The following TENM3 variants were observed in gnomAD, a reference collection of about 807,000 sequenced individuals.
TENM3 encodes the protein teneurin transmembrane protein 3.
TENM3 carries 63 observed loss-of-function variants against 255.1 expected under a neutral mutation model. The observed-to-expected ratio is 0.25, with a 90% CI of 0.20 to 0.30. The LOEUF is 0.30. TENM3 is among the 10% of genes least tolerant of loss of function. TENM3 has a pLI of 1.00. For missense variants in TENM3, 2,929 were observed against 3,461.1 expected (o/e 0.85, Z 3.86); for synonymous variants, 1,306 against 1,322.3 (o/e 0.99, Z 0.27).
chr4:182,362,155 T>G (rs1276622517), intron 3 of TENM3, among the ~76,000 whole-genome samples: 1 of 152,108 alleles, frequency 6.6e-6, no homozygotes, highest in African/African-American at 2.4e-5. Flanking sequence ...GTTAGGCTGC[T>G]CGGGGGTCAG....
the TENM3 span, among the ~76,000 whole-genome samples, chr4:181,939,912 T>G: frequency 1.3e-5 from 2 of 152,242 alleles, no homozygotes; most frequent in Admixed American, 6.5e-5. Flanking sequence ...TAAATATTCA[T>G]TTCTTTTGCC....
chr4:181,585,218 C>T, the TENM3 span, among the ~76,000 whole-genome samples: 17 of 152,018 alleles, frequency 1.1e-4, no homozygotes, highest in African/African-American at 3.9e-4. Flanking sequence ...CACAGATGGA[C>T]CGATTTTTTA....
chr4:181,991,878 T>C, the TENM3 span, among the ~76,000 whole-genome samples: 112 of 152,124 alleles, frequency 7.4e-4, no homozygotes, highest in Admixed American at 1.3e-3. Flanking sequence ...GGAAATTAAC[T>C]TTTGTAGACT....
chr4:182,647,207 T>C (rs1752833429), intron 5 of TENM3, among the ~76,000 whole-genome samples: 1 of 152,220 alleles, frequency 6.6e-6, no homozygotes, highest in South Asian at 2.1e-4. Flanking sequence ...TGACAAGTTA[T>C]AATAGTTTTT....
At chr4:181,551,192 A>G in the TENM3 span, among the ~76,000 whole-genome samples, 79 of 152,254 alleles carry the variant, frequency 5.2e-4, 1 homozygote, top group South Asian at 1.2e-3. Flanking sequence ...AGTTACCCCA[A>G]CTCAATTTCC....
chr4:182,744,974 T>A (rs955690067), intron 19 of TENM3, among the ~76,000 whole-genome samples: 4 of 152,122 alleles, frequency 2.6e-5, no homozygotes, highest in African/African-American at 9.7e-5. Flanking sequence ...AACCAATGTT[T>A]TAAAGTAAAG....
chr4:182,435,876 A>G (rs1457894580), intron 3 of TENM3, among the ~76,000 whole-genome samples: 2 of 152,172 alleles, frequency 1.3e-5, no homozygotes, highest in African/African-American at 4.8e-5. Context: ...TTATTTCTCC[A>G]TAATTGGAAG....
intron 4 of TENM3, among the ~76,000 whole-genome samples, chr4:182,604,517 T>G (rs567576575): frequency 1.8e-4 from 28 of 152,342 alleles, no homozygotes; most frequent in African/African-American, 6.3e-4. Flanking sequence ...TAATAGCTGC[T>G]ACAAGAATAC....
chr4:182,480,529 AC>A (rs1402716609), intron 3 of TENM3, among the ~76,000 whole-genome samples: 1 of 151,916 alleles, frequency 6.6e-6, no homozygotes, highest in African/African-American at 2.4e-5. Flanking sequence ...GCCTTAAGTA[AC>A]TAATATATTA....
At chr4:182,554,557 T>A (rs1742391552) in intron 3 of TENM3, among the ~76,000 whole-genome samples, 1 of 152,136 alleles carries the variant, frequency 6.6e-6, no homozygotes, top group Non-Finnish European at 1.5e-5. Context: ...TGTGTGTGTG[T>A]GTGCACGTAT....
At chr4:182,568,457 A>G (rs1158122810) in intron 3 of TENM3, among the ~76,000 whole-genome samples, 1 of 152,248 alleles carries the variant, frequency 6.6e-6, no homozygotes, top group East Asian at 1.9e-4. Context: ...AGAAGGTATG[A>G]GTAAGTTTAC....
In TENM3 at chr4:182,683,192, ACT is replaced by A. The variant is rs200601142; in HGVS notation, c.2035+1180_2035+1181del. Among the ~76,000 whole-genome samples, 1,389 of 152,218 alleles carry A rather than the reference ACT, an allele frequency of 9.1e-3. 18 individuals are homozygous for A. Among genetic ancestry groups the A allele is most frequent in the African/African-American group, 0.032 (1,330 of 41,528 alleles). ...GGCAAATTACTATATGCCTCAGTTTACTCATCTGTAAAATCATGGGACACTCT... is the reference window on the plus strand; with the variant it reads ...GGCAAATTACTATATGCCTCAGTTTACATCTGTAAAATCATGGGACACTCT... On this transcript the variant is annotated intron_variant, in intron 11 of 27. Coordinates refer to ENST00000511685, the MANE Select transcript of TENM3 (RefSeq NM_001080477.4).
chr4:181,703,304 A>G, the TENM3 span, among the ~76,000 whole-genome samples: 3 of 152,238 alleles, frequency 2.0e-5, no homozygotes, highest in Admixed American at 1.3e-4. Flanking sequence ...GTCTACTGTT[A>G]GAGAGCCTTC....
chr4:182,389,687 GAC>G, intron 3 of TENM3, among the ~76,000 whole-genome samples: 2 of 24,878 alleles, frequency 8.0e-5, no homozygotes, highest in Admixed American at 7.3e-4. Context: ...TGCAGTAGAT[GAC>G]TCTTTTTTTT....
chr4:181,693,766 T>C, the TENM3 span, among the ~76,000 whole-genome samples: 1 of 152,130 alleles, frequency 6.6e-6, no homozygotes, highest in Non-Finnish European at 1.5e-5. Context: ...GCAGAAGGAC[T>C]TGAAAGATTT....
At position 182,661,839 on chromosome 4, in the gene TENM3, A is replaced by C. The variant is rs148305190; in HGVS notation, c.1111+7946A>C. ...TTTACCTTCCGCAACAATTGCAGTTAGACTTTGACAGTGAATTTCTTTTCT... is the reference window on the plus strand; with the variant it reads ...TTTACCTTCCGCAACAATTGCAGTTCGACTTTGACAGTGAATTTCTTTTCT... On this transcript the variant is annotated intron_variant, in intron 6 of 27. Coordinates refer to ENST00000511685, the MANE Select transcript of TENM3 (RefSeq NM_001080477.4). 4.3e-3 allele frequency among the ~76,000 whole-genome samples: 648 copies of C among 152,344 alleles called. 1 individual carries two copies. Among genetic ancestry groups the C allele is most frequent in the African/African-American group, 0.015 (617 of 41,588 alleles).
At chr4:181,605,584 G>GAAAGAAAGA in the TENM3 span, among the ~76,000 whole-genome samples, 4 of 69,190 alleles carry the variant, frequency 5.8e-5, no homozygotes, top group African/African-American at 1.1e-4. Context: ...GAGAAAGAAA[G>GAAAGAAAGA]GAAAGAAAGA....
chr4:181,596,929 T>C, the TENM3 span, among the ~76,000 whole-genome samples: 2 of 151,984 alleles, frequency 1.3e-5, no homozygotes, highest in Non-Finnish European at 2.9e-5. Flanking sequence ...TGGGGCCTTT[T>C]GGGAGGGTGG....
chr4:181,778,598 C>A, the TENM3 span, among the ~76,000 whole-genome samples: 1 of 152,162 alleles, frequency 6.6e-6, no homozygotes, highest in Non-Finnish European at 1.5e-5. Context: ...ATTGCTCCCA[C>A]TTTATTAGTC....
Sources: allele counts gnomAD v4.1 joint callset (sites outside exome capture counted in the v4.1 genomes callset), GRCh38; gene constraint gnomAD v4.1.1; transcripts MANE v1.5; gene names NCBI Gene and HGNC (gene_info 2026-07-23, HGNC 2026-07-21).